Variants in DIPK2B observed in about 807,000 individuals in gnomAD.
DIPK2B encodes divergent protein kinase domain 2B, also known as UPF0672 protein CXorf36.
DIPK2B carries 15 observed loss-of-function variants against 22.2 expected under a neutral mutation model. That is an observed-to-expected ratio of 0.68 (90% confidence interval 0.45 to 1.04). The LOEUF (loss-of-function observed/expected upper bound fraction) is 1.04, where lower values mean the gene tolerates loss of function less well. Ranked by LOEUF, DIPK2B falls within the 50% of genes least tolerant of loss-of-function variation. DIPK2B has a pLI of 0.00. For missense variants in DIPK2B, 345 were observed against 348.3 expected, an observed-to-expected ratio of 0.99 and a Z score of 0.08; for synonymous variants, 163 against 153.2, an observed-to-expected ratio of 1.06 and a Z score of -0.47.
intron 2 of DIPK2B, among the ~76,000 whole-genome samples, chrX:45,173,683 C>T (rs1234761445): frequency 9.3e-6 from 1 of 107,273 alleles, no homozygotes. Context: ...GATCCTCTCC[C>T]TCAGCCTTCT....
At position 45,190,460 on chromosome X, in the gene DIPK2B, A is replaced by T. The variant is rs186376443; in HGVS notation, c.498+1291T>A. Reference sequence around the variant, plus strand: ...AAGTCAGTAGTGTGTCCTTTGTCTCAGTACAGAGTGTCAGCATATCAACTA... The same window carrying T: ...AAGTCAGTAGTGTGTCCTTTGTCTCTGTACAGAGTGTCAGCATATCAACTA... On this transcript the variant is annotated intron_variant, in intron 2 of 4. Transcript: ENST00000398000. Among the ~76,000 whole-genome samples, 6 of 111,555 alleles carry T rather than the reference A, an allele frequency of 5.4e-5. No individual in the cohort carries two copies. The East Asian group carries it at 1.4e-3, about 26-fold the overall frequency.
chrX:45,157,434 G>A (rs1422928005), intron 3 of DIPK2B, among the ~76,000 whole-genome samples: 2 of 111,502 alleles, frequency 1.8e-5, no homozygotes, highest in South Asian at 3.8e-4. Context: ...GGTCAAAGTC[G>A]GCCTCCTTCA....
At position 45,150,477 on chromosome X, in the gene DIPK2B, T is replaced by A. The variant is rs2148331314; in HGVS notation, c.*1175A>T. Reference sequence around the variant, plus strand: ...TTTGAATGAAAATTCCTAGACTCCTTAGAGTCCCAACTCGGAGCATGCGGT... The same window carrying A: ...TTTGAATGAAAATTCCTAGACTCCTAAGAGTCCCAACTCGGAGCATGCGGT... On this transcript the variant is annotated 3_prime_UTR_variant, in exon 5 of 5. Transcript: ENST00000398000. The A allele has an allele frequency of 8.9e-6, 1 of 112,105 alleles. No individual in the cohort carries two copies. Among genetic ancestry groups the A allele is most frequent in the African/African-American group, 3.2e-5 (1 of 30,868 alleles). The allele number at this position is 112,105 out of a possible 1,213,427, so 9.2% of individuals were successfully genotyped here.
chrX:45,185,255 C>G (rs1416776233), intron 2 of DIPK2B, among the ~76,000 whole-genome samples: 1 of 112,208 alleles, frequency 8.9e-6, no homozygotes, highest in Non-Finnish European at 1.9e-5. Context: ...CCAGAGGCCT[C>G]TGGGCCAAGT....
At chrX:45,163,279 T>C (rs1200111458) in intron 2 of DIPK2B, 2 of 487,921 alleles carry the variant, frequency 4.1e-6, no homozygotes, top group African/African-American at 2.6e-5. Context: ...ATTTTGGACT[T>C]GCCAATCCCC....
intron 2 of DIPK2B, among the ~76,000 whole-genome samples, chrX:45,171,915 C>T (rs1432296732): frequency 8.9e-6 from 1 of 112,304 alleles, no homozygotes; most frequent in Non-Finnish European, 1.9e-5. Flanking sequence ...ATCTTGTCCA[C>T]ACACTGATTG....
intron 2 of DIPK2B, among the ~76,000 whole-genome samples, chrX:45,160,868 C>A (rs758855985): frequency 1.4e-4 from 16 of 112,033 alleles, no homozygotes; most frequent in Non-Finnish European, 2.8e-4. Flanking sequence ...GTTATGTGGA[C>A]AATAGATTCA....
intron 2 of DIPK2B, among the ~76,000 whole-genome samples, chrX:45,190,589 T>C (rs1020520034): frequency 3.6e-5 from 4 of 112,103 alleles, no homozygotes; most frequent in African/African-American, 1.3e-4. Context: ...CCCAGGATGT[T>C]GCAGCACAGT....
intron 2 of DIPK2B, among the ~76,000 whole-genome samples, chrX:45,189,628 C>CAAAA (rs1258794739): frequency 9.1e-6 from 1 of 110,497 alleles, no homozygotes; most frequent in Non-Finnish European, 1.9e-5. Flanking sequence ...AACAAACAAA[C>CAAAA]AAACAAAGCA....
rs190132935 is a variant in DIPK2B at position 45,179,888 on chromosome X, C to G, written c.498+11863G>C. Reference sequence around the variant, plus strand: ...CAGAAAAAGCATTTTATAAAATTTACGAAAAAAATTCTCAATAAACTAGAG... The same window carrying G: ...CAGAAAAAGCATTTTATAAAATTTAGGAAAAAAATTCTCAATAAACTAGAG... On this transcript the variant is annotated intron_variant, in intron 2 of 4. Coordinates refer to ENST00000398000, the MANE Select transcript of DIPK2B (RefSeq NM_176819.4). 3.6e-5 allele frequency among the ~76,000 whole-genome samples: 4 copies of G among 111,397 alleles called. No individual in the cohort carries two copies. In the Admixed American group the frequency reaches 3.8e-4, roughly 11 times the overall value.
chrX:45,181,446 ACAT>A (rs1258934462), intron 2 of DIPK2B, among the ~76,000 whole-genome samples: 1 of 112,217 alleles, frequency 8.9e-6, no homozygotes, highest in African/African-American at 3.2e-5. Context: ...ACACTACAGG[ACAT>A]CAAGGCTCAC....
chrX:45,196,596 G>A (rs2047240510), intron 1 of DIPK2B, among the ~76,000 whole-genome samples: 1 of 110,831 alleles, frequency 9.0e-6, no homozygotes, highest in African/African-American at 3.3e-5. Context: ...ATAAGACCAA[G>A]TGTGTCTAGT....
chrX:45,155,011 G>A (rs2046985455), intron 3 of DIPK2B, among the ~76,000 whole-genome samples: 1 of 112,348 alleles, frequency 8.9e-6, no homozygotes, highest in Non-Finnish European at 1.9e-5. Flanking sequence ...ACAGTGGCTG[G>A]GTACAGTGGC....
rs373200492 is a variant in DIPK2B at position 45,154,344 on chromosome X, ATCTATCATCTATC to A, written c.673-159_673-147del. 1.6e-3 allele frequency: 824 copies of A among 520,845 alleles called. 10 individuals are homozygous for A. The African/African-American group carries it at 0.018, about 11-fold the overall frequency. 42.9% of individuals were successfully genotyped at this position (520,845 alleles called of 1,213,427 possible). A position where few individuals can be genotyped will look rare whatever the true frequency, so the allele number is the denominator to read the frequency against. ...CTGTCTATCTATATCAATCATCTAT[ATCTATCATCTATC>A]TCTATCATCTATCTATCTCTATCTA... is the stretch of plus-strand genomic sequence containing the variant. On this transcript the variant is annotated intron_variant, in intron 3 of 4. Transcript: ENST00000398000.
chrX:45,165,972 G>T (rs1342586644), intron 2 of DIPK2B, among the ~76,000 whole-genome samples: 1 of 111,961 alleles, frequency 8.9e-6, no homozygotes, highest in Non-Finnish European at 1.9e-5. Flanking sequence ...CCTTATAGCT[G>T]AAGCTTCCCC....
intron 4 of DIPK2B, 36 bp downstream of exon 4, chrX:45,153,874 C>T (rs2046975304): frequency 8.5e-7 from 1 of 1,179,922 alleles, no homozygotes. Context: ...CTGACTTTCC[C>T]TCTGACAGCT....
chrX:45,148,560 A>G lies in DIPK2B; in HGVS notation c.*3092T>C, dbSNP rs1172123058. On this transcript the variant is annotated 3_prime_UTR_variant, in exon 5 of 5. Coordinates refer to ENST00000398000, the MANE Select transcript of DIPK2B (RefSeq NM_176819.4). ...GGGAGAGTTGGGGGAGGGACGTGCC[A>G]CACTCTTTTAAACAACCACATCTTG... 1 of 108,929 alleles carries G rather than the reference A, an allele frequency of 9.2e-6. No homozygotes were observed. The highest frequency in any genetic ancestry group is 1.9e-5 in the Non-Finnish European group (1 of 52,486). 9.0% of individuals were successfully genotyped at this position (108,929 alleles called of 1,213,427 possible). A position where few individuals can be genotyped will look rare whatever the true frequency, so the allele number is the denominator to read the frequency against.
At chrX:45,195,282 A>AAGTG (rs750809124) in intron 1 of DIPK2B, among the ~76,000 whole-genome samples, 1 of 111,088 alleles carries the variant, frequency 9.0e-6, no homozygotes, top group Admixed American at 9.6e-5. Flanking sequence ...GGCCTGACTG[A>AAGTG]AGTGAGGCTG....
chrX:45,175,868 G>C (rs182483625), intron 2 of DIPK2B, among the ~76,000 whole-genome samples: 1 of 107,319 alleles, frequency 9.3e-6, no homozygotes, highest in South Asian at 4.3e-4. Flanking sequence ...AGGTGGCCAG[G>C]TTAAGCATGC....
Sources: allele counts gnomAD v4.1 joint callset (sites outside exome capture counted in the v4.1 genomes callset), GRCh38; gene constraint gnomAD v4.1.1; transcripts MANE v1.5; gene names NCBI Gene and HGNC (gene_info 2026-07-23, HGNC 2026-07-21).